The following DPYSL4 variants were observed in gnomAD, a reference collection of about 807,000 sequenced individuals.
The protein encoded by DPYSL4 is dihydropyrimidinase-related protein 4.
DPYSL4 carries 43 observed loss-of-function variants against 63.4 expected under a neutral mutation model. That is an observed-to-expected ratio of 0.68 (90% confidence interval 0.53 to 0.88). The LOEUF (loss-of-function observed/expected upper bound fraction) is 0.88. Among genes scored for constraint, DPYSL4 ranks in the 40% least tolerant of loss-of-function variants. DPYSL4 has a pLI of 0.00. For synonymous variants in DPYSL4, 353 were observed against 331.7 expected (o/e 1.06, Z -0.70); for missense variants, 733 against 819.5 (o/e 0.89, Z 1.29).
chr10:132,187,071 TCC>T lies in DPYSL4; in HGVS notation c.9_10del (p.Phe3LeufsTer12). Reference sequence around the variant, plus strand: ...GAGACCCCCAGGAGCAGGATGTCCTTCCAGGGCAAGAAAAGCATCCCCCGGAT... The same window carrying T: ...GAGACCCCCAGGAGCAGGATGTCCTTAGGGCAAGAAAAGCATCCCCCGGAT... On this transcript the variant is annotated frameshift_variant, in exon 1 of 14. Transcript: ENST00000338492. LOFTEE classifies it high-confidence loss of function. 1.6e-6 allele frequency: 2 copies of T among 1,284,570 alleles called. No individual in the cohort carries two copies. Among genetic ancestry groups the T allele is most frequent in the Non-Finnish European group, 2.0e-6 (2 of 984,458 alleles). 79.6% of individuals were successfully genotyped at this position (1,284,570 alleles called of 1,614,324 possible).
chr10:132,195,724 C>T (rs1238141687), intron 4 of DPYSL4, among the ~76,000 whole-genome samples: 1 of 152,182 alleles, frequency 6.6e-6, no homozygotes, highest in Non-Finnish European at 1.5e-5. Context: ...GATGTCAGGA[C>T]CCCTCACCTC....
At chr10:132,201,774 G>A (rs748065803) in intron 10 of DPYSL4, among the ~76,000 whole-genome samples, 172 bp from the exon 11 acceptor site, 25 of 152,154 alleles carry the variant, frequency 1.6e-4, no homozygotes, top group Non-Finnish European at 2.9e-4. Flanking sequence ...CAGGGGCCCC[G>A]TGTCCTGCCG....
At chr10:132,194,740 G>C in intron 3 of DPYSL4, 105 bp from the exon 4 acceptor site, 1 of 1,444,040 alleles carries the variant, frequency 6.9e-7, no homozygotes, top group Non-Finnish European at 9.5e-7. Context: ...TCCCTCAAAT[G>C]GTCCTCTGGT....
At chr10:132,194,355 C>T (rs2061914158) in intron 3 of DPYSL4, among the ~76,000 whole-genome samples, 1 of 152,218 alleles carries the variant, frequency 6.6e-6, no homozygotes, top group Non-Finnish European at 1.5e-5. Context: ...TGGCTGTGTG[C>T]AGGGGGCAGG....
intron 7 of DPYSL4, 131 bp downstream of exon 7, chr10:132,198,614 G>T: frequency 9.3e-7 from 1 of 1,078,126 alleles, no homozygotes; most frequent in Non-Finnish European, 1.3e-6. Context: ...TCTGGGAGGC[G>T]TGAATCCTCC....
rs764026016 is a variant in DPYSL4, at chr10:132,203,816, G to A, written c.1516G>A (p.Val506Met). 1 of 1,612,700 alleles carries A rather than the reference G, an allele frequency of 6.2e-7. No individual in the cohort carries two copies. Among genetic ancestry groups the A allele is most frequent in the Non-Finnish European group, 8.5e-7 (1 of 1,179,764 alleles). Reference sequence around the variant, plus strand: ...ACTGTATGACGGGCCCGTCCACGAGGTGATGGTGCCTGCCAAGCCAGGGAG... The same window carrying A: ...ACTGTATGACGGGCCCGTCCACGAGATGATGGTGCCTGCCAAGCCAGGGAG... Reference protein sequence around the residue: ...RGLYDGPVHEVMVPAKPGSGA... With the variant: ...RGLYDGPVHEMMVPAKPGSGA... Residue 506 changes from valine (V) to methionine (M), a missense_variant, in exon 13 of 14, where the codon GTG becomes ATG. Transcript: ENST00000338492.
intron 6 of DPYSL4, 58 bp from the exon 7 acceptor site, chr10:132,198,357 A>G: frequency 1.3e-6 from 2 of 1,535,624 alleles, no homozygotes. Context: ...TGGGCTTAGC[A>G]TCCAAGGCCC....
chr10:132,190,609 G>A lies in DPYSL4; in HGVS notation c.40-138G>A, dbSNP rs377542379. ...ACTTCTTGGGGAATAGTAAGCCGCT[G>A]CAGGCTTTTGTGCTCGTTTTTACGT... is the stretch of plus-strand genomic sequence containing the variant. On this transcript the variant is annotated intron_variant, in intron 1 of 13. Transcript: ENST00000338492. 1.9e-3 allele frequency: 1,428 copies of A among 742,320 alleles called. 25 individuals carry two copies. In the South Asian group the frequency reaches 0.025, roughly 13 times the overall value. 46.0% of individuals were successfully genotyped at this position (742,320 alleles called of 1,614,324 possible).
chr10:132,196,777 C>A, intron 4 of DPYSL4, 84 bp from the exon 5 acceptor site: 1 of 1,506,338 alleles, frequency 6.6e-7, no homozygotes, highest in Non-Finnish European at 9.2e-7. Flanking sequence ...AGACCCCCAA[C>A]CCTCCAGTGG....
At position 132,194,852 on chromosome 10, in the gene DPYSL4, C is replaced by T. The variant is rs371272756; in HGVS notation, c.321C>T (p.His107=). Residue 107 remains histidine, a synonymous_variant, in exon 4 of 14, where the codon CAC becomes CAT. Coordinates refer to ENST00000338492, the MANE Select transcript of DPYSL4 (RefSeq NM_006426.3). ...LAGGTTMILD[H]VFPDTGVSLL... ...ACCATGCTGCCTTCACAGTGGACCA[C>T]GTCTTCCCCGACACGGGTGTGAGCC... The T allele has an allele frequency of 8.7e-6, 14 of 1,612,366 alleles. No individual in the cohort carries two copies. The African/African-American group carries it at 1.1e-4, about 12-fold the overall frequency.
At chr10:132,201,110 C>T (rs1180564394) in intron 10 of DPYSL4, 127 bp downstream of exon 10, 19 of 1,365,658 alleles carry the variant, frequency 1.4e-5, no homozygotes, top group Admixed American at 1.3e-4. Context: ...ACACGGGCTC[C>T]GGGGTGGCGG....
rs371337114 is a variant in DPYSL4, at chr10:132,201,968, A to G, written c.1133A>G (p.Asn378Ser). The G allele has an allele frequency of 6.2e-6, 10 of 1,613,022 alleles. No homozygotes were observed. The African/African-American group carries it at 1.2e-4, about 19-fold the overall frequency. ...CAGGCCTCTGGGAAGATGGACGAGA[A>G]TGAGTTCGTCGCGGTGACCAGTACA... ...KCVASGKMDE[N>S]EFVAVTSTNA... is the part of the protein sequence containing the mutation. The change falls in exon 11 of 14, where the codon AAT becomes AGT. Residue 378 changes from asparagine (N) to serine (S), a missense_variant. Asn to Ser is a conservative substitution (Grantham distance 46, BLOSUM62 1). Transcript: ENST00000338492.
At chr10:132,199,684 T>TG (rs1401229737) in intron 8 of DPYSL4, among the ~76,000 whole-genome samples, 2 of 22,600 alleles carry the variant, frequency 8.8e-5, no homozygotes, top group Non-Finnish European at 1.7e-4. Context: ...CTGGGCAGGG[T>TG]GGGGGGCGGG....
chr10:132,188,603 C>T (rs1439212776), intron 1 of DPYSL4, among the ~76,000 whole-genome samples: 1 of 152,234 alleles, frequency 6.6e-6, no homozygotes, highest in Non-Finnish European at 1.5e-5. Flanking sequence ...GAACAGACAG[C>T]TCTGTAGACC....
At chr10:132,201,052 AG>A (rs2062010366) in intron 10 of DPYSL4, 69 bp downstream of exon 10, 1 of 1,575,450 alleles carries the variant, frequency 6.3e-7, no homozygotes, top group African/African-American at 1.3e-5. Flanking sequence ...ATGGCTGGTC[AG>A]AAGGGAGCCC....
chr10:132,202,219 C>G (rs764491030), intron 11 of DPYSL4, 103 bp downstream of exon 11: 209 of 1,440,958 alleles, frequency 1.5e-4, no homozygotes, highest in Non-Finnish European at 1.9e-4. Flanking sequence ...GTGGCAGCAG[C>G]AGTGGCCTCA....
chr10:132,202,868 G>C, intron 12 of DPYSL4, 43 bp downstream of exon 12: 1 of 1,551,854 alleles, frequency 6.4e-7, no homozygotes, highest in Non-Finnish European at 8.7e-7. Flanking sequence ...TAGGCAGGTG[G>C]GCGCTGAGTT....
intron 7 of DPYSL4, 54 bp downstream of exon 7, chr10:132,198,537 C>T: frequency 2.0e-6 from 3 of 1,499,556 alleles, no homozygotes; most frequent in Admixed American, 2.0e-5. Flanking sequence ...CAGACCACTG[C>T]TGCCTGGGGC....
chr10:132,188,161 C>A (rs1041621041), intron 1 of DPYSL4, among the ~76,000 whole-genome samples: 1 of 152,116 alleles, frequency 6.6e-6, no homozygotes, highest in African/African-American at 2.4e-5. Flanking sequence ...TTGGGGGTGG[C>A]AGGAGGACCC....
Sources: gnomAD v4.1 joint callset for allele counts (sites outside exome capture counted in the v4.1 genomes callset) on GRCh38, gnomAD v4.1.1 for gene constraint, MANE v1.5 for transcripts, NCBI Gene and HGNC (gene_info 2026-07-23, HGNC 2026-07-21) for gene names.